ZNF382: variants seen among roughly 807,000 people sequenced by gnomAD.
ZNF382 encodes the protein KRAB/zinc finger suppressor protein 1.
A neutral mutation model predicts 38.8 loss-of-function variants in ZNF382; 20 were observed. The ratio of observed to expected loss-of-function variants is 0.51; its 90% confidence interval spans 0.36 to 0.75. ZNF382 has a LOEUF of 0.75. Ranked by LOEUF, ZNF382 falls within the 30% of genes least tolerant of loss-of-function variation. The probability of loss-of-function intolerance (pLI) is 0.00; values close to 1 mark genes in which losing one functional copy is unlikely to be tolerated. For missense variants in ZNF382, 546 were observed against 654.1 expected, an observed-to-expected ratio of 0.83 and a Z score of 1.80; for synonymous variants, 202 against 223.1, an observed-to-expected ratio of 0.91 and a Z score of 0.84.
In ZNF382 at chr19:36,626,881, A is replaced by G. The variant is rs964323861; in HGVS notation, c.984A>G (p.Gln328=). ...GTGAAAAACCTTATGTTTGCAATCA[A>G]TGTGGAAAGGCCTTCCGTCAGAAGA... ...HTGEKPYVCN[Q]CGKAFRQKTA... The change falls in exon 5 of 5, where the codon CAA becomes CAG. Residue 328 remains glutamine (Q), a synonymous_variant. Transcript: ENST00000292928. 1.5e-5 allele frequency: 24 copies of G among 1,614,200 alleles called. No individual in the cohort carries two copies. Among genetic ancestry groups the G allele is most frequent in the Middle Eastern group, 1.6e-4 (1 of 6,062 alleles).
intron 3 of ZNF382, 179 bp from the exon 4 acceptor site, chr19:36,610,462 AAAAGAAAAG>A: frequency 2.1e-6 from 1 of 469,202 alleles, no homozygotes; most frequent in African/African-American, 2.0e-5. Flanking sequence ...TCAAAAAAAA[AAAAGAAAAG>A]AAAAGGAAAG....
chr19:36,608,834 A>G (rs1037807383), intron 2 of ZNF382: 3 of 152,262 alleles, frequency 2.0e-5, no homozygotes, highest in Admixed American at 6.5e-5. Flanking sequence ...CCCAGCAGCC[A>G]TGCATTTGCC....
chr19:36,607,708 T>C, intron 2 of ZNF382, 86 bp downstream of exon 2: 16 of 1,316,140 alleles, frequency 1.2e-5, no homozygotes, highest in Non-Finnish European at 1.5e-5. Context: ...CCTTCCCTGA[T>C]ATTGGGATTT....
At chr19:36,617,219 C>T (rs912720363) in intron 4 of ZNF382, among the ~76,000 whole-genome samples, 1 of 152,106 alleles carries the variant, frequency 6.6e-6, no homozygotes, top group Non-Finnish European at 1.5e-5. Context: ...GAAGTAAATT[C>T]CCACCCAAAA....
Position 36,626,264 on chromosome 19 carries a change from C to CTAGG in ZNF382, c.368_371dup (p.Lys125ArgfsTer12), listed in dbSNP as rs2037211922. ...TAATATTTATGGTAAAACATTTACT[C>CTAGG]TAGGCAAGAACCGTATTTCAAAAAC... On this transcript the variant is annotated frameshift_variant, in exon 5 of 5. Coordinates refer to ENST00000292928, the MANE Select transcript of ZNF382 (RefSeq NM_032825.5). LOFTEE classifies it high-confidence loss of function. 6.2e-7 allele frequency: 1 copy of CTAGG among 1,605,358 alleles called. No individual in the cohort carries two copies. Among genetic ancestry groups the CTAGG allele is most frequent in the African/African-American group, 1.3e-5 (1 of 74,340 alleles).
chr19:36,609,859 A>T, intron 2 of ZNF382, 43 bp from the exon 3 acceptor site: 1 of 1,532,366 alleles, frequency 6.5e-7, no homozygotes, highest in South Asian at 1.3e-5. Context: ...TGTCAGTACT[A>T]GGTCTCCAAT....
intron 4 of ZNF382, among the ~76,000 whole-genome samples, chr19:36,613,297 G>A (rs1483981776): frequency 6.6e-6 from 1 of 151,488 alleles, no homozygotes; most frequent in Non-Finnish European, 1.5e-5. Flanking sequence ...CTTAATCATT[G>A]TTTCTTTTAT....
In ZNF382 at chr19:36,632,095, C is replaced by T. The variant is rs3108169; in HGVS notation, c.*4545C>T. The T allele has an allele frequency of 0.37, 55,739 of 152,060 alleles. 11,173 individuals are homozygous for T. Among genetic ancestry groups the T allele is most frequent in the African/African-American group, 0.55 (22,702 of 41,464 alleles). The allele number at this position is 152,060 out of a possible 1,614,324, so 9.4% of individuals were successfully genotyped here. A position where few individuals can be genotyped will look rare whatever the true frequency, so the allele number is the denominator to read the frequency against. On this transcript the variant is annotated 3_prime_UTR_variant, in exon 5 of 5. Transcript: ENST00000292928. ...TCAGTGGTTTTATTCACACACAGAC[C>T]GCACACTGTCTCTGAACTGAAGCAC... is the stretch of plus-strand genomic sequence containing the variant.
intron 4 of ZNF382, among the ~76,000 whole-genome samples, chr19:36,625,445 A>G (rs1026049692): frequency 1.3e-5 from 2 of 151,536 alleles, no homozygotes; most frequent in African/African-American, 4.9e-5. Context: ...TTTTTGTCAC[A>G]TTGCCTACTG....
In ZNF382 at chr19:36,610,043, C is replaced by T. The variant is rs146839660; in HGVS notation, c.129C>T (p.Phe43=). ...RDVMLENYCH[F]VSVGFHMAKP... ...TGATGTTGGAAAACTATTGCCACTT[C>T]GTATCTGTGGGTAAGAAACACTCCT... The change falls in exon 3 of 5, where the codon TTC becomes TTT. Residue 43 remains phenylalanine (F), a synonymous_variant. Coordinates refer to ENST00000292928, the MANE Select transcript of ZNF382 (RefSeq NM_032825.5). 441 of 1,613,300 alleles carry T rather than the reference C, an allele frequency of 2.7e-4. No homozygotes were observed. The highest frequency in any genetic ancestry group is 3.5e-4 in the Non-Finnish European group (409 of 1,179,834).
chr19:36,617,513 G>T (rs2037134632), intron 4 of ZNF382, among the ~76,000 whole-genome samples: 1 of 151,972 alleles, frequency 6.6e-6, no homozygotes, highest in Non-Finnish European at 1.5e-5. Flanking sequence ...GATGCCAAGG[G>T]GTCCAATAAT....
At chr19:36,607,465 T>C in intron 1 of ZNF382, 87 bp from the exon 2 acceptor site, 1 of 776,744 alleles carries the variant, frequency 1.3e-6, no homozygotes. Context: ...ATAGTGAACA[T>C]TCATGCAGAT....
rs2037264238 is a variant in ZNF382, at chr19:36,633,168, A to G, written c.*5618A>G. ...ATTGTCCTGCCTCAGCCTCCTGAGT[A>G]GCTGGGACTACAGGCACCTGCCACC... On this transcript the variant is annotated 3_prime_UTR_variant, in exon 5 of 5. Coordinates refer to ENST00000292928, the MANE Select transcript of ZNF382 (RefSeq NM_032825.5). 2 of 151,838 alleles carry G rather than the reference A, an allele frequency of 1.3e-5. No homozygotes were observed. Among genetic ancestry groups the G allele is most frequent in the Admixed American group, 6.6e-5 (1 of 15,198 alleles). 9.4% of individuals were successfully genotyped at this position (151,838 alleles called of 1,614,324 possible).
chr19:36,620,353 C>T (rs1237738067), intron 4 of ZNF382, among the ~76,000 whole-genome samples: 6 of 152,190 alleles, frequency 3.9e-5, no homozygotes, highest in African/African-American at 1.4e-4. Flanking sequence ...TCATTCTCAT[C>T]CTATTTCCCT....
intron 2 of ZNF382, chr19:36,608,780 G>A (rs2037054620): frequency 6.6e-6 from 1 of 152,204 alleles, no homozygotes; most frequent in African/African-American, 2.4e-5. Flanking sequence ...ACTTCCTTTG[G>A]TCCAGCTTAC....
At chr19:36,608,695 G>A (rs987758713) in intron 2 of ZNF382, 1 of 152,172 alleles carries the variant, frequency 6.6e-6, no homozygotes, top group Admixed American at 6.5e-5. Context: ...TGTCAGAACC[G>A]AATATTCAAC....
intron 4 of ZNF382, among the ~76,000 whole-genome samples, chr19:36,615,583 A>G (rs2037119912): frequency 6.6e-6 from 1 of 152,224 alleles, no homozygotes; most frequent in Non-Finnish European, 1.5e-5. Context: ...ATTTTATAAT[A>G]CATTAAACAA....
intron 4 of ZNF382, among the ~76,000 whole-genome samples, chr19:36,622,178 C>T (rs1485541648): frequency 6.6e-6 from 1 of 152,064 alleles, no homozygotes; most frequent in African/African-American, 2.4e-5. Context: ...TGTGCCACTA[C>T]ACCCTGCTGA....
chr19:36,606,565 A>G (rs371643981), intron 1 of ZNF382, among the ~76,000 whole-genome samples: 8 of 151,396 alleles, frequency 5.3e-5, no homozygotes, highest in African/African-American at 1.9e-4. Context: ...CATGTTGCCC[A>G]GGCTGGTCTT....
Sources: allele counts gnomAD v4.1 joint callset (sites outside exome capture counted in the v4.1 genomes callset), GRCh38; gene constraint gnomAD v4.1.1; transcripts MANE v1.5; gene names NCBI Gene and HGNC (gene_info 2026-07-23, HGNC 2026-07-21).